ANKRD28: variants seen among roughly 807,000 people sequenced by gnomAD.
ANKRD28 encodes the protein ankyrin repeat domain 28.
ANKRD28 carries 44 observed loss-of-function variants against 126.5 expected under a neutral mutation model. The observed-to-expected ratio is 0.35, with a 90% CI of 0.27 to 0.45. The LOEUF is 0.45. Among genes scored for constraint, ANKRD28 ranks in the 20% least tolerant of loss-of-function variants. The pLI is 1.00. For synonymous variants in ANKRD28, 442 were observed against 468.5 expected (o/e 0.94, Z 0.73); for missense variants, 1,110 against 1,316.6 (o/e 0.84, Z 2.43).
At chr3:15,772,281 A>G (rs146642857) in intron 2 of ANKRD28, among the ~76,000 whole-genome samples, 1 of 152,178 alleles carries the variant, frequency 6.6e-6, no homozygotes, top group African/African-American at 2.4e-5. Flanking sequence ...AGATCAATAT[A>G]ATTAGTAATC....
chr3:15,740,191 T>C (rs772220849), intron 4 of ANKRD28, among the ~76,000 whole-genome samples: 2 of 152,196 alleles, frequency 1.3e-5, no homozygotes, highest in Non-Finnish European at 2.9e-5. Flanking sequence ...GAAATTATGC[T>C]AAGAGAAATC....
intron 13 of ANKRD28, among the ~76,000 whole-genome samples, chr3:15,709,038 T>C (rs1428523080): frequency 6.6e-6 from 1 of 152,192 alleles, no homozygotes; most frequent in African/African-American, 2.4e-5. Flanking sequence ...CAATTCCTAC[T>C]CTAAGTAACT....
intron 17 of ANKRD28, among the ~76,000 whole-genome samples, chr3:15,693,253 T>A (rs928043356): frequency 2.0e-5 from 3 of 152,142 alleles, no homozygotes; most frequent in African/African-American, 7.2e-5. Flanking sequence ...CGTTTTATGC[T>A]ATGTTTTCTT....
At chr3:15,829,772 G>A (rs939834969) in intron 1 of ANKRD28, among the ~76,000 whole-genome samples, 10 of 152,018 alleles carry the variant, frequency 6.6e-5, no homozygotes, top group African/African-American at 2.4e-4. Flanking sequence ...ATTTTGCTTG[G>A]AAGCTCAAAT....
At chr3:15,711,153 G>T in intron 12 of ANKRD28, 58 bp downstream of exon 12, 1 of 1,395,666 alleles carries the variant, frequency 7.2e-7, no homozygotes. Context: ...AAAGATAAGA[G>T]AAAACCTGCC....
chr3:15,773,483 G>C (rs1159308629), intron 2 of ANKRD28, among the ~76,000 whole-genome samples: 1 of 152,058 alleles, frequency 6.6e-6, no homozygotes, highest in Non-Finnish European at 1.5e-5. Context: ...AAATTAGCTG[G>C]GTGTGGTGGT....
chr3:15,703,898 G>T (rs1314950691), intron 14 of ANKRD28, among the ~76,000 whole-genome samples: 2 of 152,170 alleles, frequency 1.3e-5, no homozygotes, highest in Non-Finnish European at 2.9e-5. Flanking sequence ...GATTAAGGCT[G>T]TGAGGGACAT....
chr3:15,752,390 A>G (rs956048154), intron 3 of ANKRD28, among the ~76,000 whole-genome samples: 2 of 152,236 alleles, frequency 1.3e-5, no homozygotes, highest in Non-Finnish European at 2.9e-5. Context: ...AAGCTTAAGA[A>G]AGAAATTTTT....
At chr3:15,710,034 A>T (rs1178479650) in intron 12 of ANKRD28, among the ~76,000 whole-genome samples, 1 of 61,478 alleles carries the variant, frequency 1.6e-5, no homozygotes, top group Non-Finnish European at 3.0e-5. Flanking sequence ...ACTTGCTTAT[A>T]GGTTTTTTTT....
At chr3:15,794,592 C>CAG (rs1559544935) in intron 2 of ANKRD28, among the ~76,000 whole-genome samples, 1 of 150,540 alleles carries the variant, frequency 6.6e-6, no homozygotes, top group African/African-American at 2.4e-5. Flanking sequence ...AAAAACATAA[C>CAG]AGAGAGAGAA....
chr3:15,829,858 T>G (rs959143860), intron 1 of ANKRD28, among the ~76,000 whole-genome samples: 1 of 152,022 alleles, frequency 6.6e-6, no homozygotes, highest in African/African-American at 2.4e-5. Context: ...TCAAGGAATA[T>G]TTTCAATAAA....
chr3:15,802,837 T>C (rs2060491060), upstream of ANKRD28, among the ~76,000 whole-genome samples: 2 of 152,188 alleles, frequency 1.3e-5, 1 homozygote, highest in South Asian at 4.1e-4. Context: ...TCACCTAGTA[T>C]ACATTCATCT....
At chr3:15,689,948 TTA>T in intron 18 of ANKRD28, 69 bp downstream of exon 18, 1 of 1,335,902 alleles carries the variant, frequency 7.5e-7, no homozygotes, top group Non-Finnish European at 1.0e-6. Context: ...ACTGGAAATA[TTA>T]TATATCAGAA....
rs1240823878 is a variant in ANKRD28, at chr3:15,679,529, C to G, written c.2424G>C (p.Gln808His). The G allele has an allele frequency of 6.2e-7, 1 of 1,613,204 alleles. No homozygotes were observed. Among genetic ancestry groups the G allele is most frequent in the Non-Finnish European group, 8.5e-7 (1 of 1,179,572 alleles). ...TTCCTTCCGTTTTCTGGAAAACTTCCTGTTCTAAAAGCAGTTCTACACATG... is the reference window on the plus strand; with the variant it reads ...TTCCTTCCGTTTTCTGGAAAACTTCGTGTTCTAAAAGCAGTTCTACACATG... ...HETCVELLLE[Q>H]EVFQKTEGNA... The change falls in exon 22 of 28, where the codon CAG becomes CAC. Residue 808 changes from glutamine to histidine, a missense_variant. Transcript: ENST00000683139.
At chr3:15,702,994 G>A (rs555197723) in intron 14 of ANKRD28, among the ~76,000 whole-genome samples, 1 of 152,284 alleles carries the variant, frequency 6.6e-6, no homozygotes, top group African/African-American at 2.4e-5. Flanking sequence ...AGATTAAATA[G>A]GCACAGAGAG....
rs1200374699 is a variant in ANKRD28 at position 15,824,540 on chromosome 3, G to A, written c.28-29234C>T. ...ATAAGATAAAGTCACAAAATCTGTT[G>A]CTTTTCTATATACCAGCAATGAACA... On this transcript the variant is annotated intron_variant, in intron 1 of 27. Transcript: ENST00000399451. 2.0e-5 allele frequency among the ~76,000 whole-genome samples: 3 copies of A among 152,250 alleles called. 1 individual carries two copies. Among genetic ancestry groups the A allele is most frequent in the East Asian group, 1.9e-4 (1 of 5,190 alleles).
intron 1 of ANKRD28, among the ~76,000 whole-genome samples, chr3:15,807,714 A>G (rs1157734977): frequency 6.6e-6 from 1 of 152,214 alleles, no homozygotes; most frequent in Non-Finnish European, 1.5e-5. Flanking sequence ...GGGTTGATAA[A>G]GCTGAAGATA....
intron 2 of ANKRD28, among the ~76,000 whole-genome samples, chr3:15,770,541 G>A (rs1270254716): frequency 6.6e-6 from 1 of 152,056 alleles, no homozygotes; most frequent in Non-Finnish European, 1.5e-5. Context: ...AACCAAAATT[G>A]AGGAAAGGCA....
At chr3:15,857,707 T>TAACACAATCCTGAAA (rs1447494425) in intron 1 of ANKRD28, among the ~76,000 whole-genome samples, 1 of 152,260 alleles carries the variant, frequency 6.6e-6, no homozygotes, top group Non-Finnish European at 1.5e-5. Context: ...CACTTTTGCT[T>TAACACAATCCTGAAA]AACACAATCC....
Sources: gnomAD v4.1 joint callset for allele counts (sites outside exome capture counted in the v4.1 genomes callset) on GRCh38, gnomAD v4.1.1 for gene constraint, MANE v1.5 for transcripts, NCBI Gene and HGNC (gene_info 2026-07-23, HGNC 2026-07-21) for gene names.